Variants in GALNT17 observed in about 807,000 individuals in gnomAD.
GALNT17 encodes polypeptide N-acetylgalactosaminyltransferase 17.
In GALNT17, 29 loss-of-function variants were observed where a neutral mutation model predicts 63.7. That is an observed-to-expected ratio of 0.46 (90% CI 0.34 to 0.62). GALNT17 has a LOEUF of 0.62. Ranked by LOEUF, GALNT17 falls within the 20% of genes least tolerant of loss-of-function variation. GALNT17 has a pLI of 0.01. For synonymous variants in GALNT17, 305 were observed against 318.3 expected, an observed-to-expected ratio of 0.96 and a Z score of 0.45; for missense variants, 603 against 799.6, an observed-to-expected ratio of 0.75 and a Z score of 2.97.
intron 6 of GALNT17, among the ~76,000 whole-genome samples, chr7:71,617,322 G>T (rs1406300734): frequency 6.8e-6 from 1 of 147,992 alleles, no homozygotes; most frequent in Admixed American, 6.7e-5. Context: ...GGGGGGGTTG[G>T]TTTTTTTGTT....
intron 2 of GALNT17, among the ~76,000 whole-genome samples, chr7:71,373,546 G>A (rs909787846): frequency 2.0e-5 from 3 of 152,082 alleles, no homozygotes; most frequent in South Asian, 2.1e-4. Flanking sequence ...GGTGAGCGGC[G>A]GGTGAGCAAG....
intron 1 of GALNT17, among the ~76,000 whole-genome samples, chr7:71,318,313 GAC>G (rs1249174780): frequency 2.0e-5 from 3 of 152,050 alleles, no homozygotes; most frequent in Non-Finnish European, 4.4e-5. Flanking sequence ...TGATGTTGGA[GAC>G]ACAGTCATGT....
At chr7:71,602,588 C>T (rs1390218674) in intron 6 of GALNT17, among the ~76,000 whole-genome samples, 1 of 152,180 alleles carries the variant, frequency 6.6e-6, no homozygotes, top group Non-Finnish European at 1.5e-5. Flanking sequence ...TTTGCTTCTG[C>T]ACCCTCTCTC....
chr7:71,660,466 T>G (rs1790891434), intron 6 of GALNT17, among the ~76,000 whole-genome samples: 1 of 152,230 alleles, frequency 6.6e-6, no homozygotes, highest in African/African-American at 2.4e-5. Flanking sequence ...TTTCTGTGCA[T>G]TTCTCTTCAT....
At chr7:71,676,911 G>C (rs918815117) in intron 8 of GALNT17, among the ~76,000 whole-genome samples, 8 of 152,130 alleles carry the variant, frequency 5.3e-5, no homozygotes, top group Non-Finnish European at 5.9e-5. Flanking sequence ...GGTAACCAGT[G>C]CTCCTGTATG....
chr7:71,348,629 A>G (rs1792136880), intron 2 of GALNT17, among the ~76,000 whole-genome samples: 1 of 152,208 alleles, frequency 6.6e-6, no homozygotes, highest in South Asian at 2.1e-4. Context: ...AGATGCAGCT[A>G]TGGGACATGG....
chr7:71,530,162 A>G (rs551535227), intron 5 of GALNT17, among the ~76,000 whole-genome samples: 2 of 152,264 alleles, frequency 1.3e-5, no homozygotes, highest in Non-Finnish European at 1.5e-5. Flanking sequence ...TTCTGGACCC[A>G]GGGGGCAAGT....
intron 1 of GALNT17, among the ~76,000 whole-genome samples, chr7:71,248,805 A>G (rs1790146087): frequency 1.3e-5 from 2 of 152,206 alleles, no homozygotes; most frequent in African/African-American, 4.8e-5. Flanking sequence ...GTCGGTATCT[A>G]CAGACAGGCA....
chr7:71,539,366 A>G (rs906398432), intron 5 of GALNT17, among the ~76,000 whole-genome samples: 1 of 152,210 alleles, frequency 6.6e-6, no homozygotes, highest in Non-Finnish European at 1.5e-5. Context: ...TGTTAAAAAA[A>G]TAAAATAAAG....
chr7:71,557,807 T>C (rs982332377), intron 5 of GALNT17, among the ~76,000 whole-genome samples: 5 of 148,802 alleles, frequency 3.4e-5, no homozygotes, highest in African/African-American at 1.2e-4. Context: ...GCGCAGTGGC[T>C]CACATCTGTA....
chr7:71,169,744 C>T (rs186581980), intron 1 of GALNT17, among the ~76,000 whole-genome samples: 25 of 152,074 alleles, frequency 1.6e-4, no homozygotes, highest in Admixed American at 4.6e-4. Context: ...TTTGTAGAGA[C>T]GGGGTTTCAC....
chr7:71,461,829 C>T (rs144448548), intron 5 of GALNT17, among the ~76,000 whole-genome samples: 332 of 152,278 alleles, frequency 2.2e-3, no homozygotes, highest in South Asian at 8.1e-3. Context: ...CTCATCTTGG[C>T]GCTCTCGGCC....
At chr7:71,508,463 T>C (rs950407977) in intron 5 of GALNT17, among the ~76,000 whole-genome samples, 1 of 152,126 alleles carries the variant, frequency 6.6e-6, no homozygotes, top group African/African-American at 2.4e-5. Flanking sequence ...CTGGATGCCG[T>C]TGGCTAAACA....
intron 5 of GALNT17, among the ~76,000 whole-genome samples, chr7:71,489,006 G>A (rs1018727963): frequency 5.2e-5 from 7 of 133,546 alleles, no homozygotes; most frequent in African/African-American, 1.7e-4. Flanking sequence ...CGATTCTCCT[G>A]CCTCAGCCTC....
intron 5 of GALNT17, among the ~76,000 whole-genome samples, chr7:71,518,439 C>G (rs1788477140): frequency 1.3e-5 from 2 of 152,194 alleles, no homozygotes; most frequent in South Asian, 4.1e-4. Flanking sequence ...TTCAAGCCAT[C>G]AGTATGTGCT....
chr7:71,288,446 T>C (rs1790917446), intron 1 of GALNT17, among the ~76,000 whole-genome samples: 1 of 152,096 alleles, frequency 6.6e-6, no homozygotes, highest in African/African-American at 2.4e-5. Context: ...GGGTTACCTG[T>C]CCTTTCTGGC....
At chr7:71,234,978 C>A (rs142685209) in intron 1 of GALNT17, among the ~76,000 whole-genome samples, 2 of 152,120 alleles carry the variant, frequency 1.3e-5, no homozygotes, top group African/African-American at 4.8e-5. Flanking sequence ...CAGCGGGGCG[C>A]GGTGGCTCAT....
At chr7:71,460,235 C>T (rs1000774614) in intron 5 of GALNT17, among the ~76,000 whole-genome samples, 17 of 152,120 alleles carry the variant, frequency 1.1e-4, no homozygotes, top group African/African-American at 4.1e-4. Context: ...AAACTTAACA[C>T]AACAATATGT....
chr7:71,624,490 GA>G (rs1417947963), intron 6 of GALNT17, among the ~76,000 whole-genome samples: 35 of 151,830 alleles, frequency 2.3e-4, no homozygotes, highest in Admixed American at 2.0e-3. Context: ...ATTGCAAGGG[GA>G]AAAAAATGAC....
Sources: allele counts gnomAD v4.1 joint callset (sites outside exome capture counted in the v4.1 genomes callset), GRCh38; gene constraint gnomAD v4.1.1; transcripts MANE v1.5; gene names NCBI Gene and HGNC (gene_info 2026-07-23, HGNC 2026-07-21).